Variants in CCDC112 observed in about 807,000 individuals in gnomAD.
CCDC112 encodes the protein coiled-coil domain-containing protein 112.
A neutral mutation model predicts 66.3 loss-of-function variants in CCDC112; 40 were observed. The observed-to-expected ratio is 0.60, with a 90% CI of 0.47 to 0.79. CCDC112 has a LOEUF of 0.79. CCDC112 is among the 30% of genes least tolerant of loss of function. The probability of loss-of-function intolerance (pLI) is 0.00; values close to 1 mark genes in which losing one functional copy is unlikely to be tolerated. For missense variants in CCDC112, 659 were observed against 603.8 expected (o/e 1.09, Z -0.96); for synonymous variants, 214 against 197.2 (o/e 1.09, Z -0.71).
At chr5:115,288,017 G>A (rs1175179531) in intron 1 of CCDC112, among the ~76,000 whole-genome samples, 3 of 149,336 alleles carry the variant, frequency 2.0e-5, no homozygotes, top group Non-Finnish European at 4.4e-5. Context: ...TTTTGCTCTT[G>A]TCATCCAGGC....
chr5:115,284,808 G>A lies in CCDC112; in HGVS notation c.218C>T (p.Thr73Ile). 6.2e-7 allele frequency: 1 copy of A among 1,606,296 alleles called. No homozygotes were observed. Residue 73 changes from threonine (T) to isoleucine (I), a missense_variant, in exon 2 of 10, where the codon ACA (threonine) becomes ATA (isoleucine). By Grantham distance (89) the Thr-to-Ile change is moderately conservative (BLOSUM62 -1). Transcript: ENST00000379611. ...NQTKKAEFVR[T>I]AEKFKNQVIN... ...TTACTGATTTTTAAATTTTTCTGCT[G>A]TGCGTACAAATTCTGCTTTCTTAGT...
At chr5:115,278,030 C>T (rs561717329) in intron 3 of CCDC112, among the ~76,000 whole-genome samples, 1 of 152,044 alleles carries the variant, frequency 6.6e-6, no homozygotes, top group African/African-American at 2.4e-5. Context: ...CCTCTTAATA[C>T]GTATATGACA....
At chr5:115,287,884 T>C (rs796173734) in intron 1 of CCDC112, among the ~76,000 whole-genome samples, 8 of 152,094 alleles carry the variant, frequency 5.3e-5, no homozygotes, top group African/African-American at 1.9e-4. Context: ...CAAAATATTA[T>C]TTAATAATTG....
chr5:115,291,299 T>C (rs930561678), intron 1 of CCDC112, among the ~76,000 whole-genome samples: 6 of 152,298 alleles, frequency 3.9e-5, no homozygotes, highest in South Asian at 2.1e-4. Context: ...GATTTTCATA[T>C]ATTAAACCAA....
intron 6 of CCDC112, among the ~76,000 whole-genome samples, chr5:115,272,505 T>G (rs991159574): frequency 1.3e-5 from 2 of 152,242 alleles, no homozygotes; most frequent in Non-Finnish European, 2.9e-5. Flanking sequence ...TAGGATTTCT[T>G]GCACAGTGTT....
chr5:115,285,035 T>A, intron 1 of CCDC112, 127 bp from the exon 2 acceptor site: 1 of 748,308 alleles, frequency 1.3e-6, no homozygotes, highest in Non-Finnish European at 2.2e-6. Flanking sequence ...CAATCTCACT[T>A]AACTCTTAAA....
At chr5:115,288,759 C>A (rs1749794675) in intron 1 of CCDC112, among the ~76,000 whole-genome samples, 1 of 152,164 alleles carries the variant, frequency 6.6e-6, no homozygotes, top group Admixed American at 6.5e-5. Context: ...GAATATTCCA[C>A]ACTATTTTCT....
intron 7 of CCDC112, among the ~76,000 whole-genome samples, chr5:115,270,990 C>T (rs1436001400): frequency 6.6e-6 from 1 of 152,128 alleles, no homozygotes; most frequent in African/African-American, 2.4e-5. Flanking sequence ...ATACCTCAAT[C>T]ACCACACTCT....
Position 115,275,399 on chromosome 5 carries a change from C to T in CCDC112, c.735G>A (p.Gly245=), listed in dbSNP as rs1749163022. The T allele has an allele frequency of 1.2e-6, 2 of 1,613,828 alleles. No homozygotes were observed. The highest frequency in any genetic ancestry group is 1.3e-5 in the African/African-American group (1 of 74,858). ...CATAATCATCCCAGGCACCTTGTCG[C>T]CCTCCTGTTTGCTGAAGGAATTTTT... The part of the protein sequence containing the change: ...DFEKFLQQTG[G]RQGAWDDYDH... The change falls in exon 6 of 10, where the codon GGG becomes GGA. Residue 245 remains glycine (G), a synonymous_variant. Coordinates refer to ENST00000379611, the MANE Select transcript of CCDC112 (RefSeq NM_001040440.3).
At chr5:115,284,672 G>T in intron 2 of CCDC112, 115 bp downstream of exon 2, 1 of 722,108 alleles carries the variant, frequency 1.4e-6, no homozygotes, top group Non-Finnish European at 2.2e-6. Flanking sequence ...ACAGGCTAGT[G>T]ATTACAATTT....
intron 9 of CCDC112, among the ~76,000 whole-genome samples, chr5:115,268,648 A>G (rs1478739738): frequency 1.4e-5 from 2 of 147,884 alleles, no homozygotes; most frequent in African/African-American, 2.5e-5. Flanking sequence ...TTTTTCATAT[A>G]TATATGAAAA....
intron 3 of CCDC112, among the ~76,000 whole-genome samples, chr5:115,278,484 A>G (rs541296708): frequency 3.3e-5 from 5 of 152,212 alleles, no homozygotes; most frequent in South Asian, 2.1e-4. Context: ...TATAAAAATA[A>G]CTTAAAAAAA....
Position 115,275,281 on chromosome 5 carries a change from C to T in CCDC112, c.853G>A (p.Asp285Asn). Residue 285 changes from aspartate to asparagine, a missense_variant, in exon 6 of 10, where the codon GAT becomes AAT. Coordinates refer to ENST00000379611, the MANE Select transcript of CCDC112 (RefSeq NM_001040440.3). ...VLEHLPGKTQ[D>N]EVQQHEKWYQ... The stretch of plus-strand genomic sequence containing the variant: ...CATTTTTCATGCTGTTGAACTTCAT[C>T]TTGTGTTTTTCCAGGAAGGTGTTCT... 6.2e-7 allele frequency: 1 copy of T among 1,613,928 alleles called. No homozygotes were observed. Among genetic ancestry groups the T allele is most frequent in the Non-Finnish European group, 8.5e-7 (1 of 1,179,940 alleles).
intron 4 of CCDC112, 112 bp downstream of exon 4, chr5:115,276,853 T>C: frequency 3.2e-6 from 2 of 626,180 alleles, no homozygotes; most frequent in South Asian, 2.1e-5. Flanking sequence ...AAGTAGAGTT[T>C]AGCTCCATTA....
rs1489972324 is a variant in CCDC112 at position 115,275,458 on chromosome 5, G to C, written c.676C>G (p.Pro226Ala). ...AGTACCTCTTCTGGAAGAGTACTTG[G>C]TGTTACTTTGTCTACAGGAACTTTG... ...SSKVPVDKVT[P>A]STLPEEVLDF... Residue 226 changes from proline to alanine, a missense_variant, in exon 6 of 10, where the codon CCA becomes GCA. Pro to Ala is a conservative substitution (Grantham distance 27). Transcript: ENST00000379611. 4 of 1,613,832 alleles carry C rather than the reference G, an allele frequency of 2.5e-6. No individual in the cohort carries two copies. The African/African-American group carries it at 4.0e-5, about 16-fold the overall frequency.
chr5:115,294,009 G>A (rs553219684), intron 1 of CCDC112, among the ~76,000 whole-genome samples: 45 of 152,336 alleles, frequency 3.0e-4, no homozygotes, highest in Admixed American at 5.2e-4. Context: ...GAGGAGGATA[G>A]AGATTTGCGG....
At chr5:115,275,934 G>C (rs946106899) in intron 5 of CCDC112, 60 bp downstream of exon 5, 4 of 1,093,572 alleles carry the variant, frequency 3.7e-6, no homozygotes, top group Non-Finnish European at 1.4e-6. Context: ...AAATGTACTG[G>C]GGCCAGTTAT....
At chr5:115,287,276 A>C (rs1749714539) in intron 1 of CCDC112, among the ~76,000 whole-genome samples, 1 of 152,206 alleles carries the variant, frequency 6.6e-6, no homozygotes. Context: ...ATAATGACTA[A>C]TGATGTTGAG....
chr5:115,295,877 C>G, intron 1 of CCDC112: 2 of 985,370 alleles, frequency 2.0e-6, no homozygotes, highest in Non-Finnish European at 2.4e-6. Flanking sequence ...CATGGAAAGT[C>G]TCGCTGAGCT....
Sources: allele counts gnomAD v4.1 joint callset (sites outside exome capture counted in the v4.1 genomes callset), GRCh38; gene constraint gnomAD v4.1.1; transcripts MANE v1.5; gene names NCBI Gene and HGNC (gene_info 2026-07-23, HGNC 2026-07-21).